Variants in LOXL2 observed in about 807,000 individuals in gnomAD.
LOXL2 encodes the protein lysyl oxidase homolog 2.
A neutral mutation model predicts 93.0 loss-of-function variants in LOXL2; 70 were observed. That is an observed-to-expected ratio of 0.75 (90% CI 0.62 to 0.92). LOXL2 has a LOEUF of 0.92. Ranked by LOEUF, LOXL2 falls within the 40% of genes least tolerant of loss-of-function variation. The pLI, the probability that LOXL2 is intolerant of heterozygous loss-of-function variation, is 0.00. For missense variants in LOXL2, 973 were observed against 1,054.9 expected (o/e 0.92, Z 1.08); for synonymous variants, 438 against 413.2 (o/e 1.06, Z -0.73).
In LOXL2 at chr8:23,296,906, G is replaced by A. The variant is rs1285072789; in HGVS notation, c.*1137C>T. ...CTCCTATGCCTTCTGACAAGTTTCA[G>A]TAAAAACCACAGGAGTTCAAGAAAG... is the stretch of plus-strand genomic sequence containing the variant. On this transcript the variant is annotated 3_prime_UTR_variant, in exon 14 of 14. Transcript: ENST00000389131. Among the ~76,000 whole-genome samples the A allele has an allele frequency of 6.6e-6, 1 of 152,214 alleles. No individual in the cohort carries two copies. The highest frequency in any genetic ancestry group is 2.4e-5 in the African/African-American group (1 of 41,444).
chr8:23,339,643 G>T (rs1003907614), intron 4 of LOXL2, among the ~76,000 whole-genome samples: 1 of 152,186 alleles, frequency 6.6e-6, no homozygotes, highest in Admixed American at 6.5e-5. Context: ...TGCCAGGGAG[G>T]GGGTTTGCTT....
At chr8:23,299,987 A>G (rs554231003) in intron 12 of LOXL2, among the ~76,000 whole-genome samples, 1 of 152,324 alleles carries the variant, frequency 6.6e-6, no homozygotes, top group South Asian at 2.1e-4. Flanking sequence ...CTAAGGAGGT[A>G]CATGCCCTGC....
intron 1 of LOXL2, among the ~76,000 whole-genome samples, chr8:23,377,306 A>C (rs1354716512): frequency 6.6e-6 from 1 of 152,134 alleles, no homozygotes; most frequent in African/African-American, 2.4e-5. Flanking sequence ...TCTGAGAGAC[A>C]GTTTGTTATA....
At chr8:23,354,377 G>A (rs1804148213) in intron 3 of LOXL2, among the ~76,000 whole-genome samples, 1 of 152,184 alleles carries the variant, frequency 6.6e-6, no homozygotes, top group Non-Finnish European at 1.5e-5. Flanking sequence ...ACAAGACACA[G>A]AGAAATCATT....
In LOXL2 at chr8:23,384,458, G is replaced by A. The variant is rs1219420183; in HGVS notation, c.-83-16024C>T. On this transcript the variant is annotated intron_variant, in intron 1 of 13. Coordinates refer to ENST00000389131, the MANE Select transcript of LOXL2 (RefSeq NM_002318.3). The stretch of plus-strand genomic sequence containing the variant: ...TACTTCAGCAGAACCAACAGGGAAC[G>A]GCAATTCCTCAAGTCTCACCTCCTC... Among the ~76,000 whole-genome samples the A allele has an allele frequency of 2.6e-5, 4 of 152,190 alleles. No individual in the cohort carries two copies. In the East Asian group the frequency reaches 7.7e-4, roughly 29 times the overall value.
At chr8:23,361,728 C>G (rs1398105010) in intron 2 of LOXL2, among the ~76,000 whole-genome samples, 5 of 152,154 alleles carry the variant, frequency 3.3e-5, no homozygotes, top group Non-Finnish European at 7.3e-5. Context: ...GTAATCCCAG[C>G]TACTCGGGAG....
At chr8:23,344,658 T>C (rs187854759) in intron 3 of LOXL2, among the ~76,000 whole-genome samples, 55 of 139,742 alleles carry the variant, frequency 3.9e-4, no homozygotes, top group African/African-American at 1.6e-3. Flanking sequence ...GTGTGTCATG[T>C]GGATCTCTGT....
Position 23,404,021 on chromosome 8 carries a change from G to A in LOXL2, c.-151C>T, listed in dbSNP as rs749069393. The A allele has an allele frequency of 1.1e-5, 2 of 180,082 alleles. No homozygotes were observed. Among genetic ancestry groups the A allele is most frequent in the South Asian group, 1.7e-4 (2 of 11,976 alleles). The allele number at this position is 180,082 out of a possible 1,614,324, so 11.2% of individuals were successfully genotyped here. ...TCCACGGTGGTCCCCCTCCGCTTCC[G>A]CCGCCGCTGAGCCCCTTTCTCGAGC... On this transcript the variant is annotated 5_prime_UTR_variant, in exon 1 of 14. Transcript: ENST00000389131.
chr8:23,377,136 T>C (rs1804607089), intron 1 of LOXL2, among the ~76,000 whole-genome samples: 1 of 152,228 alleles, frequency 6.6e-6, no homozygotes, highest in Non-Finnish European at 1.5e-5. Context: ...TCTGGTATGT[T>C]GTGTCTTTGT....
intron 8 of LOXL2, among the ~76,000 whole-genome samples, chr8:23,319,011 C>T (rs1803451187): frequency 1.3e-5 from 2 of 152,210 alleles, no homozygotes; most frequent in South Asian, 4.1e-4. Flanking sequence ...TCTTAGGCCC[C>T]AAGAAGGACC....
intron 1 of LOXL2, among the ~76,000 whole-genome samples, chr8:23,388,115 C>T (rs1029065671): frequency 3.9e-5 from 6 of 152,136 alleles, no homozygotes; most frequent in Non-Finnish European, 5.9e-5. Context: ...CTGCTAGATT[C>T]GAGTCAGGTT....
chr8:23,364,201 T>G (rs1804356749), intron 2 of LOXL2: 2 of 152,110 alleles, frequency 1.3e-5, no homozygotes. Context: ...ACAGGCTTAG[T>G]GCTTATTAAC....
chr8:23,318,394 AAC>A (rs960388764), intron 8 of LOXL2, among the ~76,000 whole-genome samples: 21 of 150,040 alleles, frequency 1.4e-4, no homozygotes, highest in Admixed American at 4.7e-4. Flanking sequence ...CACATATATA[AAC>A]ACACATTCAT....
intron 8 of LOXL2, among the ~76,000 whole-genome samples, chr8:23,318,173 G>T (rs28382277): frequency 1.2e-4 from 11 of 91,378 alleles, no homozygotes; most frequent in Admixed American, 3.0e-4. Flanking sequence ...ATCTTAAGGG[G>T]TAAAAAAAAA....
chr8:23,298,838 A>G lies in LOXL2; in HGVS notation c.2243T>C (p.Ile748Thr), dbSNP rs756713337. ...GHRIWMYNCH[I>T]GGSFSEETEK... ...GAGTGGGGGCGGCCTGGCCTTACCTATGTGGCAGTTGTACATCCAGATGCG... is the reference window on the plus strand; with the variant it reads ...GAGTGGGGGCGGCCTGGCCTTACCTGTGTGGCAGTTGTACATCCAGATGCG... Residue 748 changes from isoleucine to threonine, a missense_variant and splice_region_variant, in exon 13 of 14, where the codon ATA becomes ACA. Coordinates refer to ENST00000389131, the MANE Select transcript of LOXL2 (RefSeq NM_002318.3). 4.4e-6 allele frequency: 7 copies of G among 1,605,872 alleles called. No individual in the cohort carries two copies. Among genetic ancestry groups the G allele is most frequent in the African/African-American group, 1.3e-5 (1 of 74,692 alleles).
intron 9 of LOXL2, among the ~76,000 whole-genome samples, chr8:23,311,183 G>A (rs941094973): frequency 3.3e-5 from 5 of 152,202 alleles, no homozygotes; most frequent in African/African-American, 9.7e-5. Flanking sequence ...CTTACAGGCT[G>A]CAGCAGAGTC....
At chr8:23,338,476 A>C (rs992468210) in intron 4 of LOXL2, among the ~76,000 whole-genome samples, 1 of 152,322 alleles carries the variant, frequency 6.6e-6, no homozygotes, top group East Asian at 1.9e-4. Flanking sequence ...TTCCGAGGCT[A>C]TAAGGTCCTT....
chr8:23,374,314 G>A (rs903689033), intron 1 of LOXL2, among the ~76,000 whole-genome samples: 2 of 152,084 alleles, frequency 1.3e-5, no homozygotes, highest in Non-Finnish European at 2.9e-5. Flanking sequence ...ATTCCATGGT[G>A]TATATGTGCC....
intron 1 of LOXL2, among the ~76,000 whole-genome samples, chr8:23,395,565 T>A (rs1307204767): frequency 1.3e-5 from 2 of 152,200 alleles, no homozygotes; most frequent in Admixed American, 6.5e-5. Context: ...GTGAATTGGA[T>A]GATATGCAAA....
Sources: allele counts gnomAD v4.1 joint callset (sites outside exome capture counted in the v4.1 genomes callset), GRCh38; gene constraint gnomAD v4.1.1; transcripts MANE v1.5; gene names NCBI Gene and HGNC (gene_info 2026-07-23, HGNC 2026-07-21).